INTS2: variants seen among roughly 807,000 people sequenced by gnomAD.
INTS2 encodes KIAA1287.
A neutral mutation model predicts 139.6 loss-of-function variants in INTS2; 57 were observed. That is an observed-to-expected ratio of 0.41 (90% CI 0.33 to 0.51). The LOEUF is 0.51. Among genes scored for constraint, INTS2 ranks in the 20% least tolerant of loss-of-function variants. The probability of loss-of-function intolerance (pLI) is 0.28; values close to 1 mark genes in which losing one functional copy is unlikely to be tolerated. For missense variants in INTS2, 1,196 were observed against 1,436.7 expected (o/e 0.83, Z 2.71); for synonymous variants, 473 against 493.4 (o/e 0.96, Z 0.55).
In INTS2 at chr17:61,869,478, A is replaced by G. The variant is rs2145897894; in HGVS notation, c.3031-98T>C. 9.8e-7 allele frequency: 1 copy of G among 1,018,774 alleles called. No homozygotes were observed. The highest frequency in any genetic ancestry group is 1.5e-6 in the Non-Finnish European group (1 of 687,452). The allele number at this position is 1,018,774 out of a possible 1,614,324, so 63.1% of individuals were successfully genotyped here. ...AAGATTTCATTTCCTTTCTGTAAAA[A>G]TTGCTCAGAAGGCTATAGTGCCCCA... On this transcript the variant is annotated intron_variant, in intron 21 of 24. Transcript: ENST00000251334. The surrounding 1 kb of genome is among the most constrained non-coding windows in gnomAD (Gnocchi z 5.4).
At position 61,922,511 on chromosome 17, in the gene INTS2, CATATATAT is replaced by C. The variant is rs60100593; in HGVS notation, c.433-692_433-685del. 2.7e-3 allele frequency among the ~76,000 whole-genome samples: 200 copies of C among 73,210 alleles called. 5 individuals are homozygous for C. In the Middle Eastern group the frequency reaches 0.038, roughly 14 times the overall value. 48.0% of individuals were successfully genotyped at this position (73,210 alleles called of 152,430 possible). On this transcript the variant is annotated intron_variant, in intron 3 of 24. Transcript: ENST00000251334. Reference sequence around the variant, plus strand: ...AAAAAGAAAAAAGAAAACAAACAAACATATATATATATATATATATATATATATATATA... The same window carrying C: ...AAAAAGAAAAAAGAAAACAAACAAACATATATATATATATATATATATATA...
intron 3 of INTS2, 49 bp from the exon 4 acceptor site, chr17:61,921,876 T>TA: frequency 1.1e-6 from 1 of 926,830 alleles, no homozygotes; most frequent in East Asian, 2.6e-5. Context: ...TTCAGATAAT[T>TA]AAATCCCTAT....
At chr17:61,924,917 C>A in intron 3 of INTS2, 44 bp downstream of exon 3, 1 of 1,584,066 alleles carries the variant, frequency 6.3e-7, no homozygotes, top group Non-Finnish European at 8.6e-7. Context: ...TATACATAGA[C>A]ATCAAATCAT....
intron 17 of INTS2, among the ~76,000 whole-genome samples, chr17:61,879,718 A>G (rs1415033749): frequency 6.6e-6 from 1 of 152,060 alleles, no homozygotes; most frequent in Non-Finnish European, 1.5e-5. Context: ...GTGTGGTGGC[A>G]TGTACCTGTA....
At chr17:61,923,338 A>G (rs959984539) in intron 3 of INTS2, among the ~76,000 whole-genome samples, 52 of 151,628 alleles carry the variant, frequency 3.4e-4, no homozygotes, top group Middle Eastern at 3.4e-3. Context: ...TTAGCCAGGC[A>G]TGGTGGCGGG....
Position 61,871,966 on chromosome 17 carries a change from A to G in INTS2, c.2778+299T>C, listed in dbSNP as rs1347193583. 1 of 221,670 alleles carries G rather than the reference A, an allele frequency of 4.5e-6. No homozygotes were observed. The highest frequency in any genetic ancestry group is 8.7e-6 in the Non-Finnish European group (1 of 114,808). The allele number at this position is 221,670 out of a possible 1,614,324, so 13.7% of individuals were successfully genotyped here. A position where few individuals can be genotyped will look rare whatever the true frequency, so the allele number is the denominator to read the frequency against. ...AAAAAAAACAAAAAAAATGTGCCGA[A>G]TGAATAAACATGTAACTCTAAACTC... is the stretch of plus-strand genomic sequence containing the variant. On this transcript the variant is annotated intron_variant, in intron 20 of 24. Coordinates refer to ENST00000251334, the MANE Select transcript of INTS2 (RefSeq NM_001351695.2). This position sits in a 1 kb window ranked among gnomAD's most constrained non-coding sequence, Gnocchi z 4.9.
At chr17:61,911,727 A>G in intron 6 of INTS2, 34 bp from the exon 7 acceptor site, 3 of 1,589,222 alleles carry the variant, frequency 1.9e-6, no homozygotes, top group South Asian at 2.3e-5. Flanking sequence ...TGAATTCAGT[A>G]TCATAAGCAA....
intron 7 of INTS2, chr17:61,911,078 G>A (rs2079521592): frequency 5.7e-6 from 1 of 176,216 alleles, no homozygotes; most frequent in Admixed American, 6.3e-5. Flanking sequence ...GGTTATTGTT[G>A]TTTGGTTTTG....
intron 19 of INTS2, among the ~76,000 whole-genome samples, 188 bp downstream of exon 19, chr17:61,874,725 A>G (rs769415083): frequency 1.3e-5 from 2 of 152,204 alleles, no homozygotes; most frequent in Non-Finnish European, 2.9e-5. Context: ...CACATACTAA[A>G]TATTAAAATG....
chr17:61,872,447 TC>T lies in INTS2; in HGVS notation c.2595del (p.Met866TrpfsTer8). On this transcript the variant is annotated frameshift_variant, in exon 20 of 25. Coordinates refer to ENST00000251334, the MANE Select transcript of INTS2 (RefSeq NM_001351695.2). LOFTEE classifies it high-confidence loss of function. This position sits in a 1 kb window ranked among gnomAD's most constrained non-coding sequence, Gnocchi z 4.8. Reference sequence around the variant, plus strand: ...TTCAACATGTGTAGGGTAATATCCATCAGTGGGGGGCATCTAAACAAGGAAA... The same window carrying T: ...TTCAACATGTGTAGGGTAATATCCATAGTGGGGGGCATCTAAACAAGGAAA... The part of the protein sequence containing the change: ...CDQRVHRCPP[L>X]MDITLHMLNG... 6.3e-7 allele frequency: 1 copy of T among 1,580,930 alleles called. No homozygotes were observed. Among genetic ancestry groups the T allele is most frequent in the Non-Finnish European group, 8.6e-7 (1 of 1,158,514 alleles).
Position 61,897,595 on chromosome 17 carries a change from A to G in INTS2, c.1380-12T>C. ...AGACGCCTGAAGTACTGTCAAAACAAAATAGGAAATATGAATTTTCCAAAG... is the reference window on the plus strand; with the variant it reads ...AGACGCCTGAAGTACTGTCAAAACAGAATAGGAAATATGAATTTTCCAAAG... On this transcript the variant is annotated splice_polypyrimidine_tract_variant and intron_variant, in intron 10 of 24. Coordinates refer to ENST00000251334, the MANE Select transcript of INTS2 (RefSeq NM_001351695.2). This position sits in a 1 kb window ranked among gnomAD's most constrained non-coding sequence, Gnocchi z 4.4. The G allele has an allele frequency of 6.3e-7, 1 of 1,588,952 alleles. No individual in the cohort carries two copies. Among genetic ancestry groups the G allele is most frequent in the Non-Finnish European group, 8.6e-7 (1 of 1,165,186 alleles).
At chr17:61,886,388 A>G (rs2079229276) in intron 15 of INTS2, among the ~76,000 whole-genome samples, 1 of 152,124 alleles carries the variant, frequency 6.6e-6, no homozygotes, top group Admixed American at 6.5e-5. Flanking sequence ...TCCTTCTCTC[A>G]CAACTCCTAC....
intron 5 of INTS2, among the ~76,000 whole-genome samples, chr17:61,917,161 A>G (rs1361231825): frequency 6.6e-6 from 1 of 152,218 alleles, no homozygotes; most frequent in East Asian, 1.9e-4. Flanking sequence ...CTGTGGAGAA[A>G]AGAGAACACT....
intron 5 of INTS2, among the ~76,000 whole-genome samples, chr17:61,916,778 T>A (rs1160470785): frequency 6.6e-6 from 1 of 152,098 alleles, no homozygotes; most frequent in Admixed American, 6.5e-5. Flanking sequence ...GCAATTGCAA[T>A]GAAAACAAAA....
intron 11 of INTS2, among the ~76,000 whole-genome samples, chr17:61,895,679 T>G (rs890715683): frequency 6.6e-6 from 1 of 151,846 alleles, no homozygotes; most frequent in Non-Finnish European, 1.5e-5. Context: ...AAGAGAAATA[T>G]GTGTGTGTGT....
intron 2 of INTS2, among the ~76,000 whole-genome samples, chr17:61,925,864 A>G (rs1341664208): frequency 6.6e-6 from 1 of 151,586 alleles, no homozygotes; most frequent in African/African-American, 2.4e-5. Flanking sequence ...ATCTCTACTA[A>G]AAATACAAAA....
intron 15 of INTS2, among the ~76,000 whole-genome samples, chr17:61,887,825 T>TG (rs912901614): frequency 1.3e-5 from 2 of 151,056 alleles, no homozygotes; most frequent in African/African-American, 4.9e-5. Context: ...GGCTGAGGTG[T>TG]GTGGATCACT....
intron 5 of INTS2, among the ~76,000 whole-genome samples, chr17:61,916,311 G>A (rs1481563456): frequency 6.6e-6 from 1 of 152,158 alleles, no homozygotes; most frequent in Non-Finnish European, 1.5e-5. Context: ...GTGGGTGCCT[G>A]TAGTCCCAGC....
In INTS2 at chr17:61,926,585, C is replaced by G. The variant is rs1384115408; in HGVS notation, c.60G>C (p.Lys20Asn). Residue 20 changes from lysine to asparagine, a missense_variant, in exon 2 of 25, where the codon AAG (lysine) becomes AAC (asparagine). This residue lies in a region of INTS2 where 36 missense variants were observed against 30.1 expected (regional missense o/e 1.19). Coordinates refer to ENST00000251334, the MANE Select transcript of INTS2 (RefSeq NM_001351695.2). ...VSPFAFEAMQ[K>N]VDVVCLASLS... ...AAGATGCCAGGCAAACAACATCCACCTTCTGCATTGCCTCAAAAGCAAAAG... is the reference window on the plus strand; with the variant it reads ...AAGATGCCAGGCAAACAACATCCACGTTCTGCATTGCCTCAAAAGCAAAAG... 6.2e-7 allele frequency: 1 copy of G among 1,612,724 alleles called. No homozygotes were observed. The highest frequency in any genetic ancestry group is 1.7e-5 in the Admixed American group (1 of 59,802).
Sources: allele counts gnomAD v4.1 joint callset (sites outside exome capture counted in the v4.1 genomes callset), GRCh38; gene constraint gnomAD v4.1.1; regional missense constraint gnomAD v4.1.1; non-coding constraint Gnocchi (gnomAD v3.1); transcripts MANE v1.5; gene names NCBI Gene and HGNC (gene_info 2026-07-23, HGNC 2026-07-21).